Variants in C2CD5 observed in about 807,000 individuals in gnomAD.
C2CD5 encodes the protein C2 calcium dependent domain containing 5, also known as C2 domain-containing protein 5.
C2CD5 carries 109 observed loss-of-function variants against 130.3 expected under a neutral mutation model. That is an observed-to-expected ratio of 0.84 (90% CI 0.72 to 0.98). The LOEUF is 0.98. Ranked by LOEUF, C2CD5 falls within the 50% of genes least tolerant of loss-of-function variation. The pLI is 0.00. For synonymous variants in C2CD5, 454 were observed against 429.2 expected (o/e 1.06, Z -0.71); for missense variants, 996 against 1,261.8 (o/e 0.79, Z 3.19).
At chr12:22,532,761 T>C (rs1951424513) in intron 3 of C2CD5, among the ~76,000 whole-genome samples, 1 of 152,216 alleles carries the variant, frequency 6.6e-6, no homozygotes, top group Admixed American at 6.5e-5. Context: ...TTTCCTTCCC[T>C]TGTTCTCTTT....
At chr12:22,472,629 GC>G (rs1943218135) in intron 17 of C2CD5, 114 bp downstream of exon 17, 2 of 763,718 alleles carry the variant, frequency 2.6e-6, no homozygotes, top group Non-Finnish European at 4.8e-6. Flanking sequence ...TACATGACAA[GC>G]TGTGACACTG....
chr12:22,524,142 C>T (rs1192227729), intron 6 of C2CD5, among the ~76,000 whole-genome samples: 1 of 152,090 alleles, frequency 6.6e-6, no homozygotes, highest in East Asian at 1.9e-4. Context: ...AGGTGATTTG[C>T]TTAAGCTCTG....
chr12:22,491,953 G>C (rs944514431), intron 11 of C2CD5, among the ~76,000 whole-genome samples: 1 of 151,882 alleles, frequency 6.6e-6, no homozygotes, highest in Non-Finnish European at 1.5e-5. Flanking sequence ...CATCAATGTG[G>C]CAAGACAACT....
intron 2 of C2CD5, among the ~76,000 whole-genome samples, chr12:22,538,438 T>C (rs1952027792): frequency 6.6e-6 from 1 of 152,194 alleles, no homozygotes; most frequent in Non-Finnish European, 1.5e-5. Flanking sequence ...CTTGGTAAAG[T>C]ATATCAGCCA....
intron 9 of C2CD5, among the ~76,000 whole-genome samples, chr12:22,512,040 T>C (rs1009938462): frequency 1.3e-5 from 2 of 152,234 alleles, no homozygotes; most frequent in Non-Finnish European, 2.9e-5. Context: ...TTTGAATGTT[T>C]AGGTGGGCCT....
intron 12 of C2CD5, among the ~76,000 whole-genome samples, chr12:22,487,849 A>T (rs913044544): frequency 6.6e-6 from 1 of 152,188 alleles, no homozygotes; most frequent in African/African-American, 2.4e-5. Context: ...TGGCACCTAG[A>T]CACCATGGAA....
At chr12:22,474,450 C>A (rs915537202) in intron 16 of C2CD5, among the ~76,000 whole-genome samples, 1 of 152,090 alleles carries the variant, frequency 6.6e-6, no homozygotes, top group African/African-American at 2.4e-5. Flanking sequence ...AATGGCACTT[C>A]ATTTAAATTC....
Position 22,525,686 on chromosome 12 carries a change from A to C in C2CD5, c.369T>G (p.Asn123Lys), listed in dbSNP as rs548649904. The change falls in exon 5 of 27, where the codon AAT becomes AAG. Residue 123 changes from asparagine to lysine, a missense_variant. Asn to Lys is a moderately conservative substitution (Grantham distance 94). This residue lies in a region of C2CD5 where 68 missense variants were observed against 154.5 expected (regional missense o/e 0.44). Coordinates refer to ENST00000446597, the MANE Select transcript of C2CD5 (RefSeq NM_001286176.2). ...DTIHGIRGEI[N>K]VVVKVDLFND... ...TGAAGAGGTCTACTTTGACAACTAC[A>C]TTGATTTCCCCACGGATACCTATAA... 6.4e-7 allele frequency: 1 copy of C among 1,556,602 alleles called. No individual in the cohort carries two copies. The highest frequency in any genetic ancestry group is 8.9e-7 in the Non-Finnish European group (1 of 1,128,388).
In C2CD5 at chr12:22,493,202, CA is replaced by C. The variant is rs763106299; in HGVS notation, c.1262+20del. On this transcript the variant is annotated intron_variant, in intron 11 of 26. Transcript: ENST00000446597. ...CAGTCTAAATTAGTGTCTGGAAAAT[CA>C]AGTTGTTATTATCATTTACCAGATG... The C allele has an allele frequency of 7.5e-7, 1 of 1,338,094 alleles. No individual in the cohort carries two copies. The highest frequency in any genetic ancestry group is 1.3e-5 in the South Asian group (1 of 77,250). 82.9% of individuals were successfully genotyped at this position (1,338,094 alleles called of 1,614,324 possible).
intron 8 of C2CD5, among the ~76,000 whole-genome samples, 193 bp downstream of exon 8, chr12:22,517,793 T>A (rs1949888215): frequency 6.6e-6 from 1 of 152,202 alleles, no homozygotes; most frequent in Non-Finnish European, 1.5e-5. Flanking sequence ...ATCAATGAAA[T>A]GTAAACAAGA....
In C2CD5 at chr12:22,449,786, A is replaced by G. The variant is rs1938117114; in HGVS notation, c.3130T>C (p.Cys1044Arg). Reference protein sequence around the residue: ...QQPTTNCQSSCTEGEVTT With the variant: ...QQPTTNCQSSRTEGEVTT The stretch of plus-strand genomic sequence containing the variant: ...CAGGTTGTAACTTCGCCTTCAGTAC[A>G]TGATGACTGGCAGTTGGTAGTAGGT... The change falls in exon 27 of 27, where the codon TGT (cysteine) becomes CGT (arginine). Residue 1044 changes from cysteine (C) to arginine (R), a missense_variant. By Grantham distance (180) the Cys-to-Arg change is radical. Transcript: ENST00000446597. 1.9e-6 allele frequency: 3 copies of G among 1,607,266 alleles called. No individual in the cohort carries two copies. In the East Asian group the frequency reaches 6.7e-5, roughly 36 times the overall value.
At position 22,471,419 on chromosome 12, in the gene C2CD5, G is replaced by A. The variant is rs759399770; in HGVS notation, c.2338C>T (p.Pro780Ser). Residue 780 changes from proline to serine, a missense_variant, in exon 20 of 27, where the codon CCT becomes TCT. Transcript: ENST00000446597. ...ATTACCTGAATTAATTCATCTTCAG[G>A]CAGAGATACTGTAAAATTTACATGG... is the stretch of plus-strand genomic sequence containing the variant. ...LCHVNFTVSL[P>S]EDELIQVTVT... 1.9e-6 allele frequency: 3 copies of A among 1,571,652 alleles called. No homozygotes were observed. Among genetic ancestry groups the A allele is most frequent in the East Asian group, 2.2e-5 (1 of 44,488 alleles).
chr12:22,449,207 C>T lies in C2CD5; in HGVS notation c.*553G>A, dbSNP rs1485329559. ...TAGGATGTATTACAGATACAAGTTCCAGAATTTTAACTTGTTTTCAAAAGA... is the reference window on the plus strand; with the variant it reads ...TAGGATGTATTACAGATACAAGTTCTAGAATTTTAACTTGTTTTCAAAAGA... On this transcript the variant is annotated 3_prime_UTR_variant, in exon 27 of 27. Coordinates refer to ENST00000446597, the MANE Select transcript of C2CD5 (RefSeq NM_001286176.2). The T allele has an allele frequency of 6.6e-6, 1 of 152,076 alleles. No homozygotes were observed. Among genetic ancestry groups the T allele is most frequent in the Non-Finnish European group, 1.5e-5 (1 of 68,004 alleles). The allele number at this position is 152,076 out of a possible 1,614,324, so 9.4% of individuals were successfully genotyped here. A position where few individuals can be genotyped will look rare whatever the true frequency, so the allele number is the denominator to read the frequency against.
At chr12:22,532,353 A>G (rs1951368354) in intron 3 of C2CD5, among the ~76,000 whole-genome samples, 1 of 151,900 alleles carries the variant, frequency 6.6e-6, no homozygotes, top group Non-Finnish European at 1.5e-5. Context: ...AAGTTTACAT[A>G]TATTATTCTC....
chr12:22,507,011 A>T, intron 9 of C2CD5, 192 bp from the exon 10 acceptor site: 1 of 465,816 alleles, frequency 2.1e-6, no homozygotes, highest in Non-Finnish European at 3.9e-6. Flanking sequence ...CCCCATATAT[A>T]CAATGTTATA....
intron 25 of C2CD5, among the ~76,000 whole-genome samples, chr12:22,455,013 T>C (rs944710285): frequency 5.9e-5 from 9 of 152,194 alleles, no homozygotes; most frequent in African/African-American, 1.9e-4. Context: ...ACAAATTCTA[T>C]TGGACTTATT....
intron 9 of C2CD5, among the ~76,000 whole-genome samples, chr12:22,511,067 C>A (rs1949134792): frequency 6.6e-6 from 1 of 151,592 alleles, no homozygotes; most frequent in African/African-American, 2.4e-5. Flanking sequence ...CTCCCGAAAA[C>A]CTAGCAATGC....
At chr12:22,525,442 A>ATG (rs1950639572) in intron 5 of C2CD5, among the ~76,000 whole-genome samples, 168 bp downstream of exon 5, 5 of 152,352 alleles carry the variant, frequency 3.3e-5, no homozygotes, top group Admixed American at 3.3e-4. Context: ...GATATCATTT[A>ATG]TACTCAAATC....
chr12:22,508,908 C>T (rs1197273500), intron 9 of C2CD5, among the ~76,000 whole-genome samples: 2 of 145,880 alleles, frequency 1.4e-5, no homozygotes, highest in East Asian at 2.0e-4. Flanking sequence ...CTCGCTCTGT[C>T]GCCCAGGCCA....
Sources: allele counts gnomAD v4.1 joint callset (sites outside exome capture counted in the v4.1 genomes callset), GRCh38; gene constraint gnomAD v4.1.1; regional missense constraint gnomAD v4.1.1; transcripts MANE v1.5; gene names NCBI Gene and HGNC (gene_info 2026-07-23, HGNC 2026-07-21).